The following DYM variants were observed in gnomAD, a reference collection of about 807,000 sequenced individuals.
DYM encodes the protein dyggve-Melchior-Clausen syndrome protein.
A neutral mutation model predicts 93.1 loss-of-function variants in DYM; 78 were observed. The observed-to-expected ratio is 0.84, with a 90% CI of 0.70 to 1.01. DYM has a LOEUF of 1.01. Among genes scored for constraint, DYM ranks in the 50% least tolerant of loss-of-function variants. The pLI is 0.00. For synonymous variants in DYM, 321 were observed against 319.7 expected (o/e 1.00, Z -0.04); for missense variants, 789 against 845.0 (o/e 0.93, Z 0.82).
intron 2 of DYM, among the ~76,000 whole-genome samples, chr18:49,400,871 A>G (rs2070734189): frequency 6.6e-6 from 1 of 152,224 alleles, no homozygotes; most frequent in South Asian, 2.1e-4. Flanking sequence ...TGTTACAGGC[A>G]TCTATGCACA....
At chr18:49,163,348 T>C (rs551628298) in intron 15 of DYM, among the ~76,000 whole-genome samples, 72 of 152,224 alleles carry the variant, frequency 4.7e-4, no homozygotes, top group Admixed American at 7.9e-4. Flanking sequence ...AATTTATTTA[T>C]TTATTATTTT....
At chr18:49,214,189 G>A (rs971126065) in intron 13 of DYM, among the ~76,000 whole-genome samples, 2 of 152,176 alleles carry the variant, frequency 1.3e-5, no homozygotes, top group Non-Finnish European at 2.9e-5. Context: ...TAGGAACTGG[G>A]CTACATAGCA....
intron 8 of DYM, among the ~76,000 whole-genome samples, chr18:49,312,485 C>G (rs552143): frequency 5.3e-5 from 8 of 152,174 alleles, no homozygotes; most frequent in Admixed American, 4.6e-4. Flanking sequence ...ACTCCCCAGT[C>G]TGAGTCCATA....
intron 13 of DYM, among the ~76,000 whole-genome samples, chr18:49,235,669 A>C (rs1409163698): frequency 1.3e-5 from 2 of 152,104 alleles, no homozygotes; most frequent in African/African-American, 4.8e-5. Flanking sequence ...GTAATTACTT[A>C]CGAGATAGAA....
At chr18:49,421,493 T>C (rs2073707095) in intron 2 of DYM, among the ~76,000 whole-genome samples, 2 of 152,214 alleles carry the variant, frequency 1.3e-5, no homozygotes, top group African/African-American at 4.8e-5. Context: ...AAACCCCATC[T>C]GTACGTCACT....
intron 2 of DYM, among the ~76,000 whole-genome samples, chr18:49,396,074 C>A (rs930339211): frequency 6.6e-6 from 1 of 152,206 alleles, no homozygotes; most frequent in African/African-American, 2.4e-5. Context: ...TCTGTACACA[C>A]CAGCTCCCCT....
At chr18:49,427,965 C>A (rs1304026767) in intron 2 of DYM, among the ~76,000 whole-genome samples, 1 of 151,934 alleles carries the variant, frequency 6.6e-6, no homozygotes, top group Admixed American at 6.6e-5. Context: ...GCGGTGCATG[C>A]CTGTGGTCCC....
intron 17 of DYM, among the ~76,000 whole-genome samples, chr18:49,095,451 T>TC (rs981017594): frequency 6.6e-6 from 1 of 151,826 alleles, no homozygotes. Flanking sequence ...GATAGTGTTT[T>TC]TTTTTTTTTG....
chr18:49,126,686 C>T (rs1041413985), intron 15 of DYM, among the ~76,000 whole-genome samples: 1 of 151,738 alleles, frequency 6.6e-6, no homozygotes, highest in Non-Finnish European at 1.5e-5. Context: ...TTAAATGAGG[C>T]AGCATTTGTA....
intron 11 of DYM, among the ~76,000 whole-genome samples, chr18:49,265,063 T>C (rs1409419396): frequency 6.6e-6 from 1 of 152,244 alleles, no homozygotes; most frequent in Non-Finnish European, 1.5e-5. Context: ...CTCAAGCCTA[T>C]GTGGGAGTGG....
intron 13 of DYM, among the ~76,000 whole-genome samples, chr18:49,240,868 G>T (rs1008128621): frequency 5.3e-5 from 8 of 152,156 alleles, no homozygotes; most frequent in African/African-American, 1.9e-4. Context: ...ATGTACTCAA[G>T]GGTCAAGATT....
At chr18:49,119,527 G>A (rs1185297163) in intron 15 of DYM, among the ~76,000 whole-genome samples, 2 of 152,140 alleles carry the variant, frequency 1.3e-5, no homozygotes, top group Non-Finnish European at 2.9e-5. Flanking sequence ...AAGCACATGG[G>A]TATATACAAC....
At position 49,332,353 on chromosome 18, in the gene DYM, C is replaced by T. The variant is rs959048118; in HGVS notation, c.621-347G>A. Among the ~76,000 whole-genome samples, 14 of 152,176 alleles carry T rather than the reference C, an allele frequency of 9.2e-5. No individual in the cohort carries two copies. The East Asian group carries it at 1.3e-3, about 15-fold the overall frequency. On this transcript the variant is annotated intron_variant, in intron 7 of 17. Coordinates refer to ENST00000675505, the MANE Select transcript of DYM (RefSeq NM_001353214.3). The stretch of plus-strand genomic sequence containing the variant: ...CTAAACTCAAGCGATCCTCCCGCTT[C>T]AGCCTCCCAAAGTGCTGAGATTACA...
At chr18:49,201,337 C>T (rs954160352) in intron 14 of DYM, among the ~76,000 whole-genome samples, 1 of 151,918 alleles carries the variant, frequency 6.6e-6, no homozygotes, top group Non-Finnish European at 1.5e-5. Flanking sequence ...CAAAGTTCAC[C>T]TCCATTAAGT....
At chr18:49,057,690 T>C (rs1381413074) in intron 17 of DYM, among the ~76,000 whole-genome samples, 1 of 152,244 alleles carries the variant, frequency 6.6e-6, no homozygotes, top group Admixed American at 6.5e-5. Flanking sequence ...CCATGGCAAC[T>C]GTCGCACTGA....
intron 6 of DYM, among the ~76,000 whole-genome samples, chr18:49,337,551 C>T (rs967375149): frequency 7.9e-5 from 12 of 152,104 alleles, no homozygotes; most frequent in African/African-American, 1.4e-4. Flanking sequence ...TTTTCTCTGT[C>T]GATGGATCCT....
chr18:49,365,474 C>T (rs1445075591), intron 5 of DYM, among the ~76,000 whole-genome samples: 1 of 152,142 alleles, frequency 6.6e-6, no homozygotes, highest in Non-Finnish European at 1.5e-5. Flanking sequence ...TGATTAGTTA[C>T]CAGATCTAAC....
In DYM at chr18:49,416,992, A is replaced by G. The variant is rs1368106015; in HGVS notation, c.140+13263T>C. On this transcript the variant is annotated intron_variant, in intron 2 of 17. Transcript: ENST00000675505. Reference sequence around the variant, plus strand: ...AATTTACCCTGAAGCATCATGAACTATGTTGGGAAGCAATTTCTACATTCC... The same window carrying G: ...AATTTACCCTGAAGCATCATGAACTGTGTTGGGAAGCAATTTCTACATTCC... Among the ~76,000 whole-genome samples the G allele has an allele frequency of 2.0e-5, 3 of 152,212 alleles. No homozygotes were observed. The East Asian group carries it at 5.8e-4, about 29-fold the overall frequency.
At chr18:49,150,327 G>T (rs1257788673) in intron 15 of DYM, among the ~76,000 whole-genome samples, 3 of 152,206 alleles carry the variant, frequency 2.0e-5, no homozygotes, top group Admixed American at 6.5e-5. Flanking sequence ...TAACCCCCCA[G>T]TGTAATGATA....
Sources: gnomAD v4.1 joint callset for allele counts (sites outside exome capture counted in the v4.1 genomes callset) on GRCh38, gnomAD v4.1.1 for gene constraint, MANE v1.5 for transcripts, NCBI Gene and HGNC (gene_info 2026-07-23, HGNC 2026-07-21) for gene names.